The following MPV17L variants were observed in gnomAD, a reference collection of about 807,000 sequenced individuals.
MPV17L encodes mpv17-like protein.
MPV17L carries 24 observed loss-of-function variants against 25.8 expected under a neutral mutation model. The ratio of observed to expected loss-of-function variants is 0.93; its 90% confidence interval spans 0.67 to 1.31. MPV17L has a LOEUF of 1.31. Ranked by LOEUF, MPV17L falls within the 50% of genes most tolerant of loss-of-function variation. The probability of loss-of-function intolerance (pLI) is 0.00; values close to 1 mark genes in which losing one functional copy is unlikely to be tolerated. For synonymous variants in MPV17L, 102 were observed against 115.3 expected (o/e 0.88, Z 0.74); for missense variants, 250 against 265.6 (o/e 0.94, Z 0.41).
chr16:15,400,406 A>G (rs974222414), intron 1 of MPV17L, among the ~76,000 whole-genome samples: 8 of 139,542 alleles, frequency 5.7e-5, no homozygotes, highest in African/African-American at 2.2e-4. Flanking sequence ...GCTGGAGTGC[A>G]GTGGCATGAT....
chr16:15,401,076 ATATATATATATTTTTTTTT>A (rs1489135227), intron 2 of MPV17L, among the ~76,000 whole-genome samples: 4 of 31,290 alleles, frequency 1.3e-4, no homozygotes, highest in Admixed American at 4.5e-4. Context: ...ATATATATAT[ATATATATATATTTTTTTTT>A]TTTTTTTTTT....
intron 1 of MPV17L, 86 bp from the exon 2 acceptor site, chr16:15,400,701 G>T: frequency 1.2e-6 from 1 of 862,586 alleles, no homozygotes; most frequent in Non-Finnish European, 1.7e-6. Flanking sequence ...TGGTTACTTT[G>T]CATTTTGGAA....
rs1336048886 is a variant in MPV17L, at chr16:15,408,612, T to C, written c.*500T>C. 6.8e-6 allele frequency: 1 copy of C among 146,176 alleles called. No individual in the cohort carries two copies. The highest frequency in any genetic ancestry group is 1.5e-5 in the Non-Finnish European group (1 of 66,566). The allele number at this position is 146,176 out of a possible 1,614,324, so 9.1% of individuals were successfully genotyped here. ...ATTTTAGTAAATACCTTTTTTTTTTTTTTTTTTTTTGTGGTGGAGTCTTGC... is the reference window on the plus strand; with the variant it reads ...ATTTTAGTAAATACCTTTTTTTTTTCTTTTTTTTTTGTGGTGGAGTCTTGC... On this transcript the variant is annotated 3_prime_UTR_variant, in exon 4 of 4. Transcript: ENST00000396385.
At chr16:15,396,261 G>A in intron 1 of MPV17L, 54 bp downstream of exon 1, 7 of 1,526,138 alleles carry the variant, frequency 4.6e-6, no homozygotes, top group South Asian at 2.4e-5. Flanking sequence ...GGGGACTGGA[G>A]GCTGGGACTC....
intron 2 of MPV17L, among the ~76,000 whole-genome samples, chr16:15,401,086 A>ATATATATATATAT (rs1491107374): frequency 5.0e-4 from 10 of 19,862 alleles, no homozygotes; most frequent in Non-Finnish European, 6.4e-4. Context: ...ATATATATAT[A>ATATATATATATAT]TTTTTTTTTT....
Position 15,411,183 on chromosome 16 carries a change from G to T in MPV17L, c.*3071G>T, listed in dbSNP as rs1368137083. On this transcript the variant is annotated 3_prime_UTR_variant, in exon 4 of 4. Transcript: ENST00000396385. ...GGAGGCGGAGCTTGCAGTGAGCAGA[G>T]ATCAGGCCACTGCACTCCAGCCTAG... The T allele has an allele frequency of 6.6e-6, 1 of 152,394 alleles. No homozygotes were observed. Among genetic ancestry groups the T allele is most frequent in the Non-Finnish European group, 1.5e-5 (1 of 68,170 alleles). 9.4% of individuals were successfully genotyped at this position (152,394 alleles called of 1,614,324 possible). A position where few individuals can be genotyped will look rare whatever the true frequency, so the allele number is the denominator to read the frequency against.
intron 1 of MPV17L, among the ~76,000 whole-genome samples, chr16:15,400,033 A>C (rs1382708405): frequency 6.6e-6 from 1 of 152,114 alleles, no homozygotes; most frequent in Admixed American, 6.6e-5. Context: ...TGAACTCCCA[A>C]CCTCAGGTGA....
intron 2 of MPV17L, among the ~76,000 whole-genome samples, chr16:15,402,674 G>T (rs895480715): frequency 1.4e-4 from 21 of 152,166 alleles, no homozygotes; most frequent in South Asian, 4.1e-4. Flanking sequence ...GTGTGTTTTG[G>T]TTTTTTTGTT....
At chr16:15,402,732 G>C (rs1598424894) in intron 2 of MPV17L, among the ~76,000 whole-genome samples, 1 of 152,168 alleles carries the variant, frequency 6.6e-6, no homozygotes, top group African/African-American at 2.4e-5. Flanking sequence ...GCCTAGGCTG[G>C]AGTGCAGTGG....
chr16:15,395,987 C>G lies in MPV17L; in HGVS notation c.90C>G (p.Ala30=). 6.6e-7 allele frequency: 1 copy of G among 1,514,136 alleles called. No individual in the cohort carries two copies. Among genetic ancestry groups the G allele is most frequent in the Non-Finnish European group, 8.8e-7 (1 of 1,138,462 alleles). 93.8% of individuals were successfully genotyped at this position (1,514,136 alleles called of 1,614,324 possible). ...TGCTTTACGGCTCGCTCGTCTCGGCCGGGGACGCGCTGCAACAGCGGCTGC... is the reference window on the plus strand; with the variant it reads ...TGCTTTACGGCTCGCTCGTCTCGGCGGGGGACGCGCTGCAACAGCGGCTGC... The part of the protein sequence containing the change: ...NVLLYGSLVS[A]GDALQQRLQG... The change falls in exon 1 of 4, where the codon GCC becomes GCG. Residue 30 remains alanine (A), a synonymous_variant. Coordinates refer to ENST00000396385, the MANE Select transcript of MPV17L (RefSeq NM_001128423.2).
intron 2 of MPV17L, among the ~76,000 whole-genome samples, 181 bp downstream of exon 2, chr16:15,401,038 AT>A (rs1377212568): frequency 5.1e-5 from 5 of 98,270 alleles, no homozygotes; most frequent in South Asian, 3.3e-4. Context: ...TCACATCAGG[AT>A]TTTTTTGTAT....
rs1391119551 is a variant in MPV17L, at chr16:15,412,018, T to C, written c.*3906T>C. The C allele has an allele frequency of 6.6e-6, 1 of 152,232 alleles. No homozygotes were observed. Among genetic ancestry groups the C allele is most frequent in the East Asian group, 1.9e-4 (1 of 5,196 alleles). 9.4% of individuals were successfully genotyped at this position (152,232 alleles called of 1,614,324 possible). A position where few individuals can be genotyped will look rare whatever the true frequency, so the allele number is the denominator to read the frequency against. The stretch of plus-strand genomic sequence containing the variant: ...ACTTGTAATTAAAAATCATGCATCA[T>C]TCACAATTTATCAGTCTTTTTTGTT... On this transcript the variant is annotated 3_prime_UTR_variant, in exon 4 of 4. Coordinates refer to ENST00000396385, the MANE Select transcript of MPV17L (RefSeq NM_001128423.2).
At chr16:15,398,174 G>T (rs2050603454) in intron 1 of MPV17L, among the ~76,000 whole-genome samples, 1 of 151,998 alleles carries the variant, frequency 6.6e-6, no homozygotes, top group Non-Finnish European at 1.5e-5. Context: ...CTACCAAGTA[G>T]CTGGGATTAC....
intron 1 of MPV17L, 57 bp downstream of exon 1, chr16:15,396,264 TG>T: frequency 6.6e-7 from 1 of 1,521,778 alleles, no homozygotes. Context: ...GACTGGAGGC[TG>T]GGACTCGGGG....
At position 15,396,225 on chromosome 16, in the gene MPV17L, G is replaced by A; in HGVS notation, c.310+18G>A. The A allele has an allele frequency of 6.5e-7, 1 of 1,546,112 alleles. No individual in the cohort carries two copies. Among genetic ancestry groups the A allele is most frequent in the Non-Finnish European group, 8.7e-7 (1 of 1,146,092 alleles). ...CTATGTCGGTGAGGGGCCGGGAGGG[G>A]ACCTGGGGGGTGGGACCCAGTATTG... is the stretch of plus-strand genomic sequence containing the variant. On this transcript the variant is annotated intron_variant, in intron 1 of 3. Transcript: ENST00000396385.
In MPV17L at chr16:15,408,140, A is replaced by G. The variant is rs1240493533; in HGVS notation, c.*28A>G. ...AGTCAAGGACTCTCTTAAAGGGACC[A>G]CATTTTTTACCTAAAATGCACAGAA... On this transcript the variant is annotated 3_prime_UTR_variant, in exon 4 of 4. Coordinates refer to ENST00000396385, the MANE Select transcript of MPV17L (RefSeq NM_001128423.2). 1 of 1,524,886 alleles carries G rather than the reference A, an allele frequency of 6.6e-7. No homozygotes were observed. Among genetic ancestry groups the G allele is most frequent in the Non-Finnish European group, 8.9e-7 (1 of 1,126,504 alleles). The allele number at this position is 1,524,886 out of a possible 1,614,324, so 94.5% of individuals were successfully genotyped here. A position where few individuals can be genotyped will look rare whatever the true frequency, so the allele number is the denominator to read the frequency against.
rs2050740719 is a variant in MPV17L, at chr16:15,412,421, CTG to C, written c.*4313_*4314del. 7.9e-6 allele frequency: 1 copy of C among 126,164 alleles called. No homozygotes were observed. Among genetic ancestry groups the C allele is most frequent in the Admixed American group, 9.2e-5 (1 of 10,822 alleles). 7.8% of individuals were successfully genotyped at this position (126,164 alleles called of 1,614,324 possible). ...CTCCAGGAAGGGCAACAGAGCAAGA[CTG>C]TGTCTATAAAAAAAAAAAAAAAGAA... On this transcript the variant is annotated 3_prime_UTR_variant, in exon 4 of 4. Transcript: ENST00000396385.
intron 1 of MPV17L, among the ~76,000 whole-genome samples, chr16:15,396,688 C>A (rs574435039): frequency 8.5e-5 from 13 of 152,260 alleles, no homozygotes; most frequent in African/African-American, 3.1e-4. Flanking sequence ...GCCTGGGGCC[C>A]CGGGGCCAAC....
intron 2 of MPV17L, among the ~76,000 whole-genome samples, chr16:15,407,283 C>T (rs2050688762): frequency 1.3e-5 from 2 of 152,166 alleles, no homozygotes; most frequent in Non-Finnish European, 1.5e-5. Flanking sequence ...ATGTCTTCTA[C>T]CTAATAGCTT....
Sources: allele counts gnomAD v4.1 joint callset (sites outside exome capture counted in the v4.1 genomes callset), GRCh38; gene constraint gnomAD v4.1.1; transcripts MANE v1.5; gene names NCBI Gene and HGNC (gene_info 2026-07-23, HGNC 2026-07-21).